CADM2: variants seen among roughly 807,000 people sequenced by gnomAD.
CADM2 encodes the protein cell adhesion molecule 2.
Under a neutral mutation model 49.8 loss-of-function variants are expected in CADM2, and 12 were observed. That is an observed-to-expected ratio of 0.24 (90% confidence interval 0.15 to 0.39). The LOEUF (loss-of-function observed/expected upper bound fraction) is 0.39. Among genes scored for constraint, CADM2 ranks in the 10% least tolerant of loss-of-function variants. The pLI, the probability that CADM2 is intolerant of heterozygous loss-of-function variation, is 1.00. For missense variants in CADM2, 378 were observed against 492.3 expected, an observed-to-expected ratio of 0.77 and a Z score of 2.20; for synonymous variants, 214 against 175.4, an observed-to-expected ratio of 1.22 and a Z score of -1.74.
intron 1 of CADM2, among the ~76,000 whole-genome samples, chr3:85,154,755 A>G (rs943789378): frequency 6.9e-6 from 1 of 145,814 alleles, no homozygotes; most frequent in South Asian, 2.2e-4. Context: ...CAGAAACCCT[A>G]CAAGCCAGAA....
intron 8 of CADM2, among the ~76,000 whole-genome samples, chr3:85,976,379 C>T (rs530225291): frequency 6.6e-6 from 1 of 151,542 alleles, no homozygotes. Context: ...ACGTTTCATA[C>T]AACTGTTCTG....
chr3:85,332,543 C>T (rs1283175092), intron 1 of CADM2, among the ~76,000 whole-genome samples: 1 of 151,834 alleles, frequency 6.6e-6, no homozygotes, highest in Non-Finnish European at 1.5e-5. Flanking sequence ...ACTTAGGATG[C>T]AATCTGAGTT....
intron 8 of CADM2, among the ~76,000 whole-genome samples, chr3:86,022,707 G>A (rs1044227147): frequency 5.9e-5 from 9 of 151,926 alleles, no homozygotes; most frequent in Admixed American, 2.0e-4. Context: ...CTTAGAGAGC[G>A]TCCTCATTTT....
At chr3:85,389,176 C>A (rs2034396926) in intron 1 of CADM2, among the ~76,000 whole-genome samples, 1 of 152,100 alleles carries the variant, frequency 6.6e-6, no homozygotes, top group African/African-American at 2.4e-5. Context: ...AGAATGGTCA[C>A]TCAAAAGTAG....
intron 6 of CADM2, among the ~76,000 whole-genome samples, chr3:85,923,537 CAAA>C (rs57230094): frequency 7.3e-6 from 1 of 136,706 alleles, no homozygotes. Context: ...ATCATGAAAG[CAAA>C]AAAAAAAAAC....
chr3:85,639,884 G>A (rs1369794819), intron 1 of CADM2, among the ~76,000 whole-genome samples: 1 of 152,122 alleles, frequency 6.6e-6, no homozygotes, highest in Non-Finnish European at 1.5e-5. Context: ...ATTGAGAAGG[G>A]AATCTTTCTG....
intron 1 of CADM2, among the ~76,000 whole-genome samples, chr3:85,440,127 T>C (rs1049625431): frequency 6.6e-6 from 1 of 152,172 alleles, no homozygotes; most frequent in Non-Finnish European, 1.5e-5. Flanking sequence ...TCCCTCTAAA[T>C]TCATGAGTGG....
intron 1 of CADM2, among the ~76,000 whole-genome samples, chr3:85,475,174 A>G (rs1431150499): frequency 6.6e-6 from 1 of 151,958 alleles, no homozygotes; most frequent in Non-Finnish European, 1.5e-5. Flanking sequence ...GATTATTTTT[A>G]CTTGACTTTA....
intron 1 of CADM2, among the ~76,000 whole-genome samples, chr3:85,120,755 AC>A (rs1174908647): frequency 6.6e-6 from 1 of 152,052 alleles, no homozygotes; most frequent in Non-Finnish European, 1.5e-5. Context: ...GCAGCAAACC[AC>A]CATGGCACGT....
chr3:85,705,562 A>G (rs1182882535), intron 1 of CADM2, among the ~76,000 whole-genome samples: 2 of 152,342 alleles, frequency 1.3e-5, no homozygotes, highest in East Asian at 3.9e-4. Context: ...TATTCCTGCA[A>G]ATCTATTGTT....
intron 3 of CADM2, among the ~76,000 whole-genome samples, chr3:85,846,680 A>T (rs1219185026): frequency 6.6e-6 from 1 of 152,030 alleles, no homozygotes; most frequent in East Asian, 1.9e-4. Flanking sequence ...CAGCCTAGGT[A>T]ACACAGTCAA....
At chr3:85,985,799 A>G (rs1244851192) in intron 8 of CADM2, among the ~76,000 whole-genome samples, 1 of 151,986 alleles carries the variant, frequency 6.6e-6, no homozygotes, top group Non-Finnish European at 1.5e-5. Flanking sequence ...AATCATATAC[A>G]CAAAGTTGAG....
chr3:85,828,299 T>C (rs980678722), intron 3 of CADM2, among the ~76,000 whole-genome samples: 1 of 151,948 alleles, frequency 6.6e-6, no homozygotes, highest in Non-Finnish European at 1.5e-5. Context: ...TTTGTACTTA[T>C]ATATGGCTCA....
intron 8 of CADM2, among the ~76,000 whole-genome samples, chr3:85,982,428 C>G (rs903380489): frequency 6.6e-6 from 1 of 151,466 alleles, no homozygotes; most frequent in Non-Finnish European, 1.5e-5. Context: ...AGAAATCACA[C>G]AAAAATATTT....
chr3:85,904,257 T>C (rs1192808408), intron 5 of CADM2, among the ~76,000 whole-genome samples: 2 of 152,152 alleles, frequency 1.3e-5, no homozygotes, highest in African/African-American at 2.4e-5. Flanking sequence ...TGAGAGCTAT[T>C]GGGGTCCCTT....
At chr3:85,139,244 T>C (rs921743231) in intron 1 of CADM2, among the ~76,000 whole-genome samples, 1 of 152,194 alleles carries the variant, frequency 6.6e-6, no homozygotes, top group African/African-American at 2.4e-5. Flanking sequence ...ATAATGTCAA[T>C]ACACACAGAA....
chr3:85,670,594 T>C (rs1345877310), intron 1 of CADM2, among the ~76,000 whole-genome samples: 3 of 152,026 alleles, frequency 2.0e-5, no homozygotes. Context: ...TCTCAGCAAC[T>C]TGCAGGAAAA....
intron 2 of CADM2, among the ~76,000 whole-genome samples, chr3:85,786,079 T>C (rs2070969509): frequency 1.3e-5 from 2 of 152,048 alleles, no homozygotes; most frequent in South Asian, 4.1e-4. Flanking sequence ...ACCATTGGCT[T>C]TGCTGTGAAT....
chr3:85,330,240 A>C (rs2107146095), intron 1 of CADM2, among the ~76,000 whole-genome samples: 1 of 152,172 alleles, frequency 6.6e-6, no homozygotes, highest in Non-Finnish European at 1.5e-5. Flanking sequence ...CCTAACCTTC[A>C]TGTGTCTATT....
Sources: allele counts gnomAD v4.1 joint callset (sites outside exome capture counted in the v4.1 genomes callset), GRCh38; gene constraint gnomAD v4.1.1; transcripts MANE v1.5; gene names NCBI Gene and HGNC (gene_info 2026-07-23, HGNC 2026-07-21).